The following ZZEF1 variants were observed in gnomAD, a reference collection of about 807,000 sequenced individuals.
ZZEF1 encodes zinc finger ZZ-type and EF-hand domain-containing protein 1.
ZZEF1 carries 157 observed loss-of-function variants against 342.8 expected under a neutral mutation model. The observed-to-expected ratio is 0.46, with a 90% CI of 0.40 to 0.52. The LOEUF is 0.52. Ranked by LOEUF, ZZEF1 falls within the 20% of genes least tolerant of loss-of-function variation. The pLI is 0.00. For missense variants in ZZEF1, 3,480 were observed against 3,725.6 expected, an observed-to-expected ratio of 0.93 and a Z score of 1.72; for synonymous variants, 1,505 against 1,429.1, an observed-to-expected ratio of 1.05 and a Z score of -1.20.
In ZZEF1 at chr17:4,014,512, T is replaced by C. The variant is rs1429535332; in HGVS notation, c.8149A>G (p.Lys2717Glu). The C allele has an allele frequency of 6.2e-7, 1 of 1,614,154 alleles. No individual in the cohort carries two copies. The highest frequency in any genetic ancestry group is 1.3e-5 in the African/African-American group (1 of 75,044). Reference protein sequence around the residue: ...PYNNNTNFEDKVHIPGAIYLS... With the variant: ...PYNNNTNFEDEVHIPGAIYLS... Reference sequence around the variant, plus strand: ...TAGATGGCACCAGGAATGTGAACTTTATCCTAGGGAGGGGAAATGGAGAAC... The same window carrying C: ...TAGATGGCACCAGGAATGTGAACTTCATCCTAGGGAGGGGAAATGGAGAAC... The change falls in exon 50 of 55, where the codon AAA (lysine) becomes GAA (glutamate). Residue 2717 changes from lysine (K) to glutamate (E), a missense_variant. Physicochemically the swap from Lys to Glu is moderately conservative, Grantham distance 56 (BLOSUM62 1). This residue lies in a region of ZZEF1 where 1,269 missense variants were observed against 1,342.4 expected (regional missense o/e 0.95). Transcript: ENST00000381638. The surrounding 1 kb of genome is among the most constrained non-coding windows in gnomAD (Gnocchi z 4.4).
At chr17:4,081,870 C>A (rs1292519069) in intron 17 of ZZEF1, among the ~76,000 whole-genome samples, 7 of 152,236 alleles carry the variant, frequency 4.6e-5, no homozygotes, top group African/African-American at 1.7e-4. Context: ...AGCATCCTTG[C>A]TACTTGATTC....
chr17:4,022,880 C>T, intron 43 of ZZEF1, 52 bp from the exon 44 acceptor site: 1 of 1,600,274 alleles, frequency 6.2e-7, no homozygotes, highest in Non-Finnish European at 8.5e-7. Flanking sequence ...GAAGAAGGTA[C>T]AACCTTAGCT....
intron 1 of ZZEF1, among the ~76,000 whole-genome samples, chr17:4,130,113 T>A (rs942827065): frequency 2.0e-5 from 3 of 152,074 alleles, no homozygotes; most frequent in Non-Finnish European, 4.4e-5. Context: ...TGAGTTTACC[T>A]CTATAACAAA....
In ZZEF1 at chr17:4,074,259, G is replaced by A; in HGVS notation, c.3576C>T (p.Ala1192=). The A allele has an allele frequency of 6.2e-7, 1 of 1,614,176 alleles. No individual in the cohort carries two copies. The highest frequency in any genetic ancestry group is 8.5e-7 in the Non-Finnish European group (1 of 1,180,036). ...NEWGYKFTVT[A]CGLPDVAVSW... ...ACACGGCAACATCGGGCAGCCCACA[G>A]GCAGTGACAGTGAATTTGTAGCCCC... The change falls in exon 24 of 55, where the codon GCC becomes GCT. Residue 1192 remains alanine (A), a synonymous_variant. Transcript: ENST00000381638.
chr17:4,113,343 A>T (rs1274295583), intron 4 of ZZEF1, among the ~76,000 whole-genome samples: 1 of 152,088 alleles, frequency 6.6e-6, no homozygotes, highest in Admixed American at 6.6e-5. Context: ...TGACCACACT[A>T]TTTCTTCTTC....
At chr17:4,088,335 T>C (rs1251585235) in intron 13 of ZZEF1, among the ~76,000 whole-genome samples, 1 of 152,230 alleles carries the variant, frequency 6.6e-6, no homozygotes, top group Non-Finnish European at 1.5e-5. Context: ...TCAGTTATAA[T>C]TCTTCTAGGA....
At chr17:4,102,880 C>T (rs980261711) in intron 8 of ZZEF1, among the ~76,000 whole-genome samples, 1 of 151,156 alleles carries the variant, frequency 6.6e-6, no homozygotes, top group African/African-American at 2.4e-5. Context: ...GAACACTTGG[C>T]TTTGGCAAAA....
At chr17:4,138,170 C>T (rs1214889750) in intron 1 of ZZEF1, among the ~76,000 whole-genome samples, 1 of 152,156 alleles carries the variant, frequency 6.6e-6, no homozygotes, top group African/African-American at 2.4e-5. Context: ...GAGCTGAGGG[C>T]TCCCGGCTGA....
At chr17:4,096,538 C>T (rs2058036560) in intron 10 of ZZEF1, 71 bp downstream of exon 10, 7 of 1,268,656 alleles carry the variant, frequency 5.5e-6, no homozygotes, top group East Asian at 2.3e-5. Context: ...AATATATATA[C>T]CTACTATGTA....
Position 4,009,769 on chromosome 17 carries a change from G to T in ZZEF1, c.8580-12C>A. On this transcript the variant is annotated splice_polypyrimidine_tract_variant and intron_variant, in intron 52 of 54. Transcript: ENST00000381638. Reference sequence around the variant, plus strand: ...GGTCACACAGGTCACTGCAGGAGGAGCCCCGGAGGTGGTCAGTTTACTGAG... The same window carrying T: ...GGTCACACAGGTCACTGCAGGAGGATCCCCGGAGGTGGTCAGTTTACTGAG... 1 of 1,612,520 alleles carries T rather than the reference G, an allele frequency of 6.2e-7. No individual in the cohort carries two copies. The highest frequency in any genetic ancestry group is 8.5e-7 in the Non-Finnish European group (1 of 1,179,020).
At position 4,016,270 on chromosome 17, in the gene ZZEF1, C is replaced by T. The variant is rs922067080; in HGVS notation, c.8145+53G>A. 1.1e-5 allele frequency: 17 copies of T among 1,570,188 alleles called. No homozygotes were observed. The East Asian group carries it at 1.1e-4, about 10-fold the overall frequency. On this transcript the variant is annotated intron_variant, in intron 49 of 54. Transcript: ENST00000381638. This position sits in a 1 kb window ranked among gnomAD's most constrained non-coding sequence, Gnocchi z 4.4. ...GAGGGGCTGAGCACGGAGGGGCTGACGAGGTCTCTGCGGCTCAGTCGCTCT... is the reference window on the plus strand; with the variant it reads ...GAGGGGCTGAGCACGGAGGGGCTGATGAGGTCTCTGCGGCTCAGTCGCTCT...
At position 4,044,483 on chromosome 17, in the gene ZZEF1, TGAATGCCATTAGAAAATGCCACTCA is replaced by T; in HGVS notation, c.6016-134_6016-110del. 3 of 957,658 alleles carry T rather than the reference TGAATGCCATTAGAAAATGCCACTCA, an allele frequency of 3.1e-6. No individual in the cohort carries two copies. The African/African-American group carries it at 5.1e-5, about 16-fold the overall frequency. 59.3% of individuals were successfully genotyped at this position (957,658 alleles called of 1,614,324 possible). On this transcript the variant is annotated intron_variant, in intron 37 of 54. Coordinates refer to ENST00000381638, the MANE Select transcript of ZZEF1 (RefSeq NM_015113.4). ...CAGTCTTCATAGACTAAAAAACTTT[TGAATGCCATTAGAAAATGCCACTCA>T]TTTCTTTTTTCTTTTTTGTGTGTTT... is the stretch of plus-strand genomic sequence containing the variant.
intron 2 of ZZEF1, among the ~76,000 whole-genome samples, chr17:4,117,648 C>CAAAAAAAAAAAAA (rs61155656): frequency 1.2e-4 from 11 of 89,006 alleles, no homozygotes; most frequent in African/African-American, 2.9e-4. Flanking sequence ...AACTCCACCT[C>CAAAAAAAAAAAAA]AAAAAAAAAA....
intron 37 of ZZEF1, 24 bp downstream of exon 37, chr17:4,049,684 G>A (rs764961045): frequency 2.0e-5 from 32 of 1,613,608 alleles, no homozygotes; most frequent in Non-Finnish European, 2.6e-5. Context: ...CTGTGATTCT[G>A]TGTAGTAAAG....
At position 4,052,149 on chromosome 17, in the gene ZZEF1, ACAG is replaced by A; in HGVS notation, c.5435-16_5435-14del. On this transcript the variant is annotated splice_polypyrimidine_tract_variant and intron_variant, in intron 34 of 54. Transcript: ENST00000381638. Reference sequence around the variant, plus strand: ...GGCTTCACCCCACCTGAGGAGAAACACAGCAGTGTGAGGGGATGAGGTAGAGGG... The same window carrying A: ...GGCTTCACCCCACCTGAGGAGAAACACAGTGTGAGGGGATGAGGTAGAGGG... The A allele has an allele frequency of 6.2e-7, 1 of 1,604,802 alleles. No individual in the cohort carries two copies. Among genetic ancestry groups the A allele is most frequent in the Non-Finnish European group, 8.5e-7 (1 of 1,175,478 alleles).
intron 30 of ZZEF1, among the ~76,000 whole-genome samples, chr17:4,059,987 T>C (rs1439018489): frequency 6.6e-6 from 1 of 152,268 alleles, no homozygotes; most frequent in Non-Finnish European, 1.5e-5. Flanking sequence ...TCATGTTCAC[T>C]ATCTACTACT....
intron 39 of ZZEF1, among the ~76,000 whole-genome samples, chr17:4,037,275 C>T (rs1444536603): frequency 2.0e-5 from 3 of 152,188 alleles, no homozygotes; most frequent in Non-Finnish European, 4.4e-5. Context: ...CTAATGGACA[C>T]CACTTAATCC....
At chr17:4,037,326 A>T (rs2056695504) in intron 39 of ZZEF1, among the ~76,000 whole-genome samples, 1 of 152,190 alleles carries the variant, frequency 6.6e-6, no homozygotes, top group Admixed American at 6.5e-5. Flanking sequence ...AATACGTCAA[A>T]ACTGTGTTCC....
intron 11 of ZZEF1, 75 bp downstream of exon 11, chr17:4,095,756 T>C (rs1318602708): frequency 1.4e-6 from 2 of 1,480,774 alleles, no homozygotes; most frequent in Non-Finnish European, 1.8e-6. Flanking sequence ...CCAATGAGCA[T>C]GAATACATTC....
Sources: allele counts gnomAD v4.1 joint callset (sites outside exome capture counted in the v4.1 genomes callset), GRCh38; gene constraint gnomAD v4.1.1; regional missense constraint gnomAD v4.1.1; non-coding constraint Gnocchi (gnomAD v3.1); transcripts MANE v1.5; gene names NCBI Gene and HGNC (gene_info 2026-07-23, HGNC 2026-07-21).